Variants in WWC2 observed in about 807,000 individuals in gnomAD.
WWC2 encodes protein WWC2.
Under a neutral mutation model 138.5 loss-of-function variants are expected in WWC2, and 101 were observed. The ratio of observed to expected loss-of-function variants is 0.73; its 90% CI spans 0.62 to 0.86. WWC2 has a LOEUF of 0.86. Among genes scored for constraint, WWC2 ranks in the 40% least tolerant of loss-of-function variants. The pLI is 0.00. For missense variants in WWC2, 1,420 were observed against 1,419.4 expected (o/e 1.00, Z -0.01); for synonymous variants, 558 against 538.4 (o/e 1.04, Z -0.50).
At chr4:183,247,337 C>T (rs1184210837) in intron 6 of WWC2, among the ~76,000 whole-genome samples, 3 of 151,588 alleles carry the variant, frequency 2.0e-5, no homozygotes, top group Admixed American at 6.6e-5. Flanking sequence ...AATGCATTGC[C>T]ATCACAGATG....
chr4:183,223,344 A>G (rs576705028), intron 4 of WWC2, among the ~76,000 whole-genome samples: 4 of 152,364 alleles, frequency 2.6e-5, no homozygotes, highest in South Asian at 2.1e-4. Context: ...AAACTTTATT[A>G]TGGGAAATAC....
At chr4:183,107,324 G>A (rs1379400318) in intron 1 of WWC2, among the ~76,000 whole-genome samples, 3 of 152,112 alleles carry the variant, frequency 2.0e-5, no homozygotes, top group African/African-American at 7.2e-5. Flanking sequence ...ACCATGCCTG[G>A]GCAATTTTTG....
intron 8 of WWC2, among the ~76,000 whole-genome samples, chr4:183,252,790 C>T (rs115413653): frequency 0.012 from 1,790 of 152,302 alleles, 46 homozygotes; most frequent in African/African-American, 0.042. Flanking sequence ...GGGGAGGAGA[C>T]TCACATGCAG....
At chr4:183,254,567 A>G (rs1185513190) in intron 9 of WWC2, among the ~76,000 whole-genome samples, 1 of 152,208 alleles carries the variant, frequency 6.6e-6, no homozygotes, top group African/African-American at 2.4e-5. Context: ...TGATTATTCC[A>G]TCTAAAAAAA....
chr4:183,235,997 T>C (rs1438895539), intron 4 of WWC2, among the ~76,000 whole-genome samples: 1 of 152,230 alleles, frequency 6.6e-6, no homozygotes, highest in African/African-American at 2.4e-5. Flanking sequence ...AATATCATCC[T>C]TGTTTTAATC....
At chr4:183,237,545 C>T (rs993079125) in intron 4 of WWC2, among the ~76,000 whole-genome samples, 1 of 152,178 alleles carries the variant, frequency 6.6e-6, no homozygotes, top group African/African-American at 2.4e-5. Flanking sequence ...GAGTTCCACC[C>T]TCATCCCCAA....
intron 1 of WWC2, among the ~76,000 whole-genome samples, chr4:183,171,706 A>G (rs1734286857): frequency 6.6e-6 from 1 of 152,160 alleles, no homozygotes; most frequent in Admixed American, 6.5e-5. Context: ...ACTCTCCCCC[A>G]CACTTGATTC....
intron 1 of WWC2, among the ~76,000 whole-genome samples, chr4:183,109,347 T>C (rs558494528): frequency 6.6e-6 from 1 of 152,368 alleles, no homozygotes; most frequent in South Asian, 2.1e-4. Context: ...CTATAAATAT[T>C]AACCTTTTAT....
rs1743089699 is a variant in WWC2 at position 183,099,524 on chromosome 4, G to A, written c.33G>A (p.Pro11=). 7.2e-7 allele frequency: 1 copy of A among 1,394,986 alleles called. No homozygotes were observed. Among genetic ancestry groups the A allele is most frequent in the East Asian group, 3.3e-5 (1 of 30,732 alleles). The allele number at this position is 1,394,986 out of a possible 1,614,324, so 86.4% of individuals were successfully genotyped here. Residue 11 remains proline (P), a synonymous_variant, in exon 1 of 23, where the codon CCG becomes CCA. Transcript: ENST00000403733. MPRRAGSGQL[P]LPRGWEEARD... is the part of the protein sequence containing the mutation. ...GGAGGGCCGGGAGCGGTCAGCTGCC[G>A]CTGCCCCGGGGCTGGGAGGAGGCCA...
intron 1 of WWC2, among the ~76,000 whole-genome samples, chr4:183,131,601 A>G (rs1449621510): frequency 2.0e-5 from 3 of 152,142 alleles, no homozygotes; most frequent in Non-Finnish European, 2.9e-5. Flanking sequence ...TCTTTGTTCT[A>G]TGTGCTACAA....
At chr4:183,297,053 C>T (rs1250187948) in intron 21 of WWC2, among the ~76,000 whole-genome samples, 1 of 151,688 alleles carries the variant, frequency 6.6e-6, no homozygotes, top group East Asian at 1.9e-4. Flanking sequence ...CAGCCCACTA[C>T]AGCCTCAACC....
At chr4:183,210,700 AC>A (rs2111245033) in intron 4 of WWC2, among the ~76,000 whole-genome samples, 1 of 152,364 alleles carries the variant, frequency 6.6e-6, no homozygotes, top group Admixed American at 6.5e-5. Context: ...TCATAGGGCT[AC>A]TACACACCTC....
intron 4 of WWC2, among the ~76,000 whole-genome samples, chr4:183,220,947 T>C (rs1307211147): frequency 1.3e-5 from 2 of 151,604 alleles, no homozygotes; most frequent in Non-Finnish European, 2.9e-5. Flanking sequence ...GAAGAAAATA[T>C]GACAATAAGA....
rs756137229 is a variant in WWC2 at position 183,193,696 on chromosome 4, G to A, written c.229G>A (p.Asp77Asn). Residue 77 changes from aspartate to asparagine, a missense_variant, in exon 2 of 23, where the codon GAT becomes AAT. Coordinates refer to ENST00000403733, the MANE Select transcript of WWC2 (RefSeq NM_024949.6). The part of the protein sequence containing the change: ...FDPQIGVYYI[D>N]HINKTTQIED... ...CCCTCAGATTGGTGTCTACTACATC[G>A]ATCACATCAACAGTAAGTTTTCCTT... The A allele has an allele frequency of 3.1e-6, 5 of 1,612,740 alleles. No homozygotes were observed. Among genetic ancestry groups the A allele is most frequent in the South Asian group, 2.2e-5 (2 of 90,826 alleles).
chr4:183,236,410 C>T (rs1036716120), intron 4 of WWC2, among the ~76,000 whole-genome samples: 8 of 152,052 alleles, frequency 5.3e-5, no homozygotes, highest in Admixed American at 3.9e-4. Context: ...AGACAGAAAA[C>T]GTACAGTGAT....
intron 1 of WWC2, among the ~76,000 whole-genome samples, chr4:183,117,491 GATTAC>G (rs1483981654): frequency 6.6e-6 from 1 of 152,068 alleles, no homozygotes; most frequent in African/African-American, 2.4e-5. Context: ...AAAGTGCTGG[GATTAC>G]AGGCATGAGC....
chr4:183,239,090 G>A (rs530986704), intron 4 of WWC2, among the ~76,000 whole-genome samples: 2 of 152,314 alleles, frequency 1.3e-5, no homozygotes, highest in Non-Finnish European at 2.9e-5. Context: ...CGAAGCGGGT[G>A]GATCGCTTGA....
At chr4:183,156,174 C>T (rs564744389) in intron 1 of WWC2, among the ~76,000 whole-genome samples, 82 of 151,718 alleles carry the variant, frequency 5.4e-4, no homozygotes, top group Non-Finnish European at 9.6e-4. Flanking sequence ...TTACAGGTGC[C>T]GCTACCACAC....
At chr4:183,126,341 G>A (rs188551685) in intron 1 of WWC2, among the ~76,000 whole-genome samples, 37 of 152,294 alleles carry the variant, frequency 2.4e-4, no homozygotes, top group Middle Eastern at 3.4e-3. Flanking sequence ...AGAGCTTGTT[G>A]CTAAAGCCAG....
Sources: gnomAD v4.1 joint callset for allele counts (sites outside exome capture counted in the v4.1 genomes callset) on GRCh38, gnomAD v4.1.1 for gene constraint, MANE v1.5 for transcripts, NCBI Gene and HGNC (gene_info 2026-07-23, HGNC 2026-07-21) for gene names.